RBFOX1: variants seen among roughly 807,000 people sequenced by gnomAD.
The protein encoded by RBFOX1 is RNA binding protein fox-1 homolog 1.
Under a neutral mutation model 57.7 loss-of-function variants are expected in RBFOX1, and 8 were observed. The observed-to-expected ratio is 0.14, with a 90% CI of 0.08 to 0.25. The LOEUF is 0.25. Ranked by LOEUF, RBFOX1 falls within the 10% of genes least tolerant of loss-of-function variation. The pLI is 1.00. For missense variants in RBFOX1, 611 were observed against 548.5 expected (o/e 1.11, Z -1.14); for synonymous variants, 326 against 222.4 (o/e 1.47, Z -4.15).
chr16:6,435,203 A>G (rs2094200366), intron 2 of RBFOX1, among the ~76,000 whole-genome samples: 2 of 152,192 alleles, frequency 1.3e-5, no homozygotes, highest in African/African-American at 2.4e-5. Context: ...ACTCATTCAG[A>G]GTGGTTTCAA....
intron 3 of RBFOX1, among the ~76,000 whole-genome samples, chr16:5,664,797 G>A (rs911772008): frequency 1.3e-5 from 2 of 152,100 alleles, no homozygotes; most frequent in Admixed American, 6.5e-5. Context: ...AGGTAATGCT[G>A]CTCCTAGTTT....
At chr16:6,007,139 C>T (rs967039693) in intron 4 of RBFOX1, among the ~76,000 whole-genome samples, 1 of 152,214 alleles carries the variant, frequency 6.6e-6, no homozygotes, top group South Asian at 2.1e-4. Context: ...TGATCCCTCT[C>T]TCCTGGTATC....
rs1269240447 is a variant in RBFOX1, at chr16:5,946,265, T to TA, written c.351+78934dup. Among the ~76,000 whole-genome samples the TA allele has an allele frequency of 6.6e-6, 1 of 152,192 alleles. No individual in the cohort carries two copies. The highest frequency in any genetic ancestry group is 1.5e-5 in the Non-Finnish European group (1 of 68,048). ...CTCTAAGTCTCAGCTTTCTAATCTG[T>TA]AAAAGGGACACAATCATAGGACCTC... On this transcript the variant is annotated intron_variant, in intron 4 of 19. Transcript: ENST00000641259. This position sits in a 1 kb window ranked among gnomAD's most constrained non-coding sequence, Gnocchi z 4.6.
intron 2 of RBFOX1, among the ~76,000 whole-genome samples, chr16:5,582,582 C>G (rs1471676963): frequency 2.0e-5 from 2 of 99,340 alleles, no homozygotes; most frequent in South Asian, 3.4e-4. Flanking sequence ...TAAACGGAGT[C>G]TTTGTTGCCC....
intron 2 of RBFOX1, among the ~76,000 whole-genome samples, chr16:5,528,148 A>G (rs2151026943): frequency 6.6e-6 from 1 of 152,288 alleles, no homozygotes; most frequent in Admixed American, 6.5e-5. Flanking sequence ...CTATATGCCC[A>G]GGGCTGCACT....
chr16:6,763,991 A>C (rs17141404), intron 3 of RBFOX1, among the ~76,000 whole-genome samples: 1,932 of 152,332 alleles, frequency 0.013, 31 homozygotes, highest in Middle Eastern at 0.044. Flanking sequence ...AGTGGCCATC[A>C]GGGAATGAGG....
chr16:6,661,804 T>C (rs1271983635), intron 3 of RBFOX1, among the ~76,000 whole-genome samples: 1 of 152,184 alleles, frequency 6.6e-6, no homozygotes, highest in Admixed American at 6.5e-5. Context: ...AAATGTTGAT[T>C]TAGCGGCGGG....
At chr16:5,367,531 A>C (rs2065751072) in intron 1 of RBFOX1, among the ~76,000 whole-genome samples, 1 of 152,154 alleles carries the variant, frequency 6.6e-6, no homozygotes, top group African/African-American at 2.4e-5. Context: ...TGGCACCATT[A>C]CTGTCTTTGG....
intron 2 of RBFOX1, among the ~76,000 whole-genome samples, chr16:6,506,787 C>G (rs757794011): frequency 6.6e-6 from 1 of 151,914 alleles, no homozygotes; most frequent in Non-Finnish European, 1.5e-5. Context: ...GCTGGGATTA[C>G]AGGCACCAAC....
At chr16:5,471,974 C>A (rs373497364) in intron 2 of RBFOX1, among the ~76,000 whole-genome samples, 1 of 152,142 alleles carries the variant, frequency 6.6e-6, no homozygotes, top group Non-Finnish European at 1.5e-5. Context: ...GTCACCTCCC[C>A]GACAGATGAA....
At chr16:6,633,635 G>A (rs2098407877) in intron 2 of RBFOX1, among the ~76,000 whole-genome samples, 1 of 152,148 alleles carries the variant, frequency 6.6e-6, no homozygotes, top group South Asian at 2.1e-4. Flanking sequence ...GTTTAACTTG[G>A]CTAAAGGAAG....
chr16:7,250,116 C>G (rs543020476), intron 4 of RBFOX1, among the ~76,000 whole-genome samples: 90 of 152,230 alleles, frequency 5.9e-4, no homozygotes, highest in Non-Finnish European at 1.1e-3. Flanking sequence ...CTGGGAAAAT[C>G]TGCTTCTTCA....
At chr16:6,548,050 A>G (rs532140045) in intron 2 of RBFOX1, among the ~76,000 whole-genome samples, 62 of 152,296 alleles carry the variant, frequency 4.1e-4, no homozygotes, top group Admixed American at 9.8e-4. Flanking sequence ...TATTCATCGT[A>G]GTAAGAATTG....
At chr16:6,983,422 C>A (rs1599116196) in intron 3 of RBFOX1, among the ~76,000 whole-genome samples, 2 of 148,786 alleles carry the variant, frequency 1.3e-5, no homozygotes, top group African/African-American at 4.9e-5. Context: ...TATCTATTTG[C>A]TGCTTCTGGT....
chr16:6,029,569 C>G (rs567352649), intron 1 of RBFOX1, among the ~76,000 whole-genome samples: 2 of 150,778 alleles, frequency 1.3e-5, no homozygotes, highest in East Asian at 2.0e-4. Context: ...GTCAGGAGAT[C>G]GAGACCATCC....
At chr16:7,205,069 A>C (rs1387628818) in intron 4 of RBFOX1, among the ~76,000 whole-genome samples, 1 of 152,144 alleles carries the variant, frequency 6.6e-6, no homozygotes, top group East Asian at 1.9e-4. Flanking sequence ...TAGAGGTAGA[A>C]GTTACATGTG....
In RBFOX1 at chr16:5,526,847, A is replaced by C. The variant is rs556485672; in HGVS notation, c.258+59593A>C. ...ATTGTTCATAGGAGTTTGAGTTTTG[A>C]AGTAAGACTCCTTGCATGGGAATCT... On this transcript the variant is annotated intron_variant, in intron 2 of 2. Transcript: ENST00000585867. Among the ~76,000 whole-genome samples the C allele has an allele frequency of 3.5e-5, 5 of 141,650 alleles. No homozygotes were observed. The East Asian group carries it at 9.7e-4, about 27-fold the overall frequency. The allele number at this position is 141,650 out of a possible 152,430, so 92.9% of individuals were successfully genotyped here.
At chr16:6,820,438 G>A (rs72766749) in intron 3 of RBFOX1, among the ~76,000 whole-genome samples, 2 of 152,190 alleles carry the variant, frequency 1.3e-5, no homozygotes, top group African/African-American at 4.8e-5. Context: ...GGAAAAATCA[G>A]TTGAGGCCAG....
chr16:5,968,188 T>C (rs1363807721), intron 4 of RBFOX1, among the ~76,000 whole-genome samples: 1 of 152,090 alleles, frequency 6.6e-6, no homozygotes, highest in Non-Finnish European at 1.5e-5. Flanking sequence ...AATTCTGCTG[T>C]TTCAGCCTCC....
Sources: allele counts gnomAD v4.1 joint callset (sites outside exome capture counted in the v4.1 genomes callset), GRCh38; gene constraint gnomAD v4.1.1; non-coding constraint Gnocchi (gnomAD v3.1); transcripts MANE v1.5; gene names NCBI Gene and HGNC (gene_info 2026-07-23, HGNC 2026-07-21).